Variants in WFDC1 observed in about 807,000 individuals in gnomAD.
WFDC1 encodes the protein WAP four-disulfide core domain protein 1.
Under a neutral mutation model 32.9 loss-of-function variants are expected in WFDC1, and 39 were observed. The observed-to-expected ratio is 1.19, with a 90% CI of 0.92 to 1.55. The LOEUF (loss-of-function observed/expected upper bound fraction) is 1.55, where lower values mean the gene tolerates loss of function less well. Among genes scored for constraint, WFDC1 ranks in the 40% most tolerant of loss-of-function variants. The pLI is 0.00. For synonymous variants in WFDC1, 184 were observed against 137.4 expected, an observed-to-expected ratio of 1.34 and a Z score of -2.37; for missense variants, 386 against 309.5, an observed-to-expected ratio of 1.25 and a Z score of -1.85.
At chr16:84,304,522 C>T (rs540618152) in intron 1 of WFDC1, among the ~76,000 whole-genome samples, 26 of 152,144 alleles carry the variant, frequency 1.7e-4, no homozygotes, top group Non-Finnish European at 3.1e-4. Context: ...GCCACCGCGC[C>T]CGGCCAGGAA....
intron 1 of WFDC1, among the ~76,000 whole-genome samples, chr16:84,299,345 A>G (rs765740859): frequency 9.9e-5 from 15 of 152,060 alleles, no homozygotes; most frequent in Non-Finnish European, 2.2e-4. Flanking sequence ...AGCCTGGGCA[A>G]GAAGAGCGCA....
At chr16:84,319,705 A>G in intron 4 of WFDC1, 134 bp downstream of exon 4, 6 of 1,181,006 alleles carry the variant, frequency 5.1e-6, no homozygotes, top group Non-Finnish European at 7.0e-6. Flanking sequence ...AGCTCCTCAC[A>G]TCTTCCCCCT....
chr16:84,319,839 G>T (rs375048377), intron 4 of WFDC1, among the ~76,000 whole-genome samples: 2 of 152,194 alleles, frequency 1.3e-5, no homozygotes, highest in African/African-American at 4.8e-5. Context: ...CGACACTGGG[G>T]TTAATTTCTT....
intron 1 of WFDC1, among the ~76,000 whole-genome samples, chr16:84,309,697 C>CCA (rs1907495144): frequency 6.9e-6 from 1 of 145,856 alleles, no homozygotes; most frequent in African/African-American, 2.8e-5. Flanking sequence ...CAGAGCCGCG[C>CCA]CCCCCCAACT....
intron 2 of WFDC1, among the ~76,000 whole-genome samples, chr16:84,315,106 G>A (rs1907871086): frequency 6.6e-6 from 1 of 152,248 alleles, no homozygotes; most frequent in African/African-American, 2.4e-5. Context: ...TAGGCCGTGA[G>A]TGTGGGAATG....
Position 84,295,109 on chromosome 16 carries a change from A to G in WFDC1, c.138A>G (p.Lys46=), listed in dbSNP as rs571355487. Residue 46 remains lysine (K), a synonymous_variant, in exon 1 of 7, where the codon AAA becomes AAG. Coordinates refer to ENST00000219454, the MANE Select transcript of WFDC1 (RefSeq NM_021197.4). ...KRALPARLAE[K]SRAEEAGAPG... ...CATTGCCTGCGAGGCTGGCCGAGAA[A>G]TCCCGTGTAAGTGCCTGGGATGGGG... The G allele has an allele frequency of 2.4e-5, 38 of 1,613,918 alleles. No individual in the cohort carries two copies. The African/African-American group carries it at 4.4e-4, about 19-fold the overall frequency.
chr16:84,324,561 G>A (rs940311377), intron 5 of WFDC1, 101 bp downstream of exon 5: 2 of 1,378,428 alleles, frequency 1.5e-6, no homozygotes, highest in Non-Finnish European at 1.0e-6. Flanking sequence ...CTGAGATATA[G>A]GGAACAAAAT....
chr16:84,314,626 C>T (rs533153049), intron 2 of WFDC1, among the ~76,000 whole-genome samples: 4 of 152,202 alleles, frequency 2.6e-5, no homozygotes, highest in Non-Finnish European at 5.9e-5. Flanking sequence ...CTCATAATTA[C>T]AGTCTTATAA....
chr16:84,310,840 C>A (rs1907572896), intron 1 of WFDC1, among the ~76,000 whole-genome samples: 1 of 152,172 alleles, frequency 6.6e-6, no homozygotes, highest in East Asian at 1.9e-4. Flanking sequence ...GTTTTCATGG[C>A]TGTCTACTAT....
intron 1 of WFDC1, among the ~76,000 whole-genome samples, chr16:84,301,889 C>T (rs899671054): frequency 1.3e-5 from 2 of 152,190 alleles, no homozygotes; most frequent in Admixed American, 6.5e-5. Flanking sequence ...AGAAGCATCC[C>T]AGGTCCCTGT....
chr16:84,302,845 C>A (rs74035066), intron 1 of WFDC1, among the ~76,000 whole-genome samples: 5 of 151,930 alleles, frequency 3.3e-5, no homozygotes, highest in African/African-American at 1.2e-4. Context: ...CGCCCGAAAC[C>A]CAGTGGGCCT....
intron 2 of WFDC1, among the ~76,000 whole-genome samples, chr16:84,314,015 G>C (rs437216): frequency 0.87 from 132,385 of 151,884 alleles, 57,805 homozygotes; most frequent in East Asian, 0.99. Flanking sequence ...GCACTCCAGC[G>C]TGGGTGACAA....
At chr16:84,317,329 TAAATAAATAAG>T (rs1187463894) in intron 2 of WFDC1, 16 of 113,158 alleles carry the variant, frequency 1.4e-4, no homozygotes, top group East Asian at 6.3e-4. Flanking sequence ...AATAAATAAA[TAAATAAATAAG>T]AAGTAAATAA....
intron 1 of WFDC1, chr16:84,295,406 C>A: frequency 2.0e-6 from 1 of 496,060 alleles, no homozygotes; most frequent in South Asian, 4.0e-5. Flanking sequence ...TGAAAGACAG[C>A]ATCTCATTTC....
chr16:84,303,531 T>C (rs1271548155), intron 1 of WFDC1, among the ~76,000 whole-genome samples: 1 of 152,008 alleles, frequency 6.6e-6, no homozygotes, highest in Admixed American at 6.6e-5. Context: ...GTAGAAATGA[T>C]CTGAATTCTT....
At chr16:84,297,357 C>G (rs1006676277) in intron 1 of WFDC1, among the ~76,000 whole-genome samples, 6 of 152,174 alleles carry the variant, frequency 3.9e-5, no homozygotes, top group African/African-American at 9.7e-5. Flanking sequence ...GTGGCTCATG[C>G]CTGTAATCCC....
intron 4 of WFDC1, among the ~76,000 whole-genome samples, chr16:84,321,955 T>A (rs2151379333): frequency 6.6e-6 from 1 of 152,274 alleles, no homozygotes; most frequent in South Asian, 2.1e-4. Context: ...CATGGGGTAG[T>A]TATGGGGCTT....
intron 1 of WFDC1, among the ~76,000 whole-genome samples, chr16:84,309,962 C>A (rs1360825019): frequency 6.6e-6 from 1 of 152,074 alleles, no homozygotes; most frequent in African/African-American, 2.4e-5. Flanking sequence ...AGAATCATCT[C>A]CCCATGTCAA....
chr16:84,310,452 G>A (rs1268316445), intron 1 of WFDC1, among the ~76,000 whole-genome samples: 2 of 152,186 alleles, frequency 1.3e-5, no homozygotes, highest in Non-Finnish European at 2.9e-5. Context: ...GGACTTGGAT[G>A]ATGTGCCCTC....
Sources: gnomAD v4.1 joint callset for allele counts (sites outside exome capture counted in the v4.1 genomes callset) on GRCh38, gnomAD v4.1.1 for gene constraint, MANE v1.5 for transcripts, NCBI Gene and HGNC (gene_info 2026-07-23, HGNC 2026-07-21) for gene names.